The following MBTD1 variants were observed in gnomAD, a reference collection of about 807,000 sequenced individuals.
MBTD1 encodes the protein mbt domain containing 1, also known as MBT domain-containing protein 1.
MBTD1 carries 24 observed loss-of-function variants against 87.8 expected under a neutral mutation model. That is an observed-to-expected ratio of 0.27 (90% CI 0.20 to 0.38). MBTD1 has a LOEUF of 0.38. Among genes scored for constraint, MBTD1 ranks in the 10% least tolerant of loss-of-function variants. The pLI is 1.00. For synonymous variants in MBTD1, 237 were observed against 248.6 expected (o/e 0.95, Z 0.44); for missense variants, 436 against 760.2 (o/e 0.57, Z 5.02).
Position 51,192,146 on chromosome 17 carries a change from G to A in MBTD1, c.1768+57C>T, listed in dbSNP as rs2050846556. 5 of 1,170,752 alleles carry A rather than the reference G, an allele frequency of 4.3e-6. No individual in the cohort carries two copies. The African/African-American group carries it at 4.6e-5, about 11-fold the overall frequency. The allele number at this position is 1,170,752 out of a possible 1,614,324, so 72.5% of individuals were successfully genotyped here. On this transcript the variant is annotated intron_variant, in intron 16 of 16. Coordinates refer to ENST00000586178, the MANE Select transcript of MBTD1 (RefSeq NM_017643.3). ...ATATCATTTTCTGTCCAAGAATACT[G>A]TGACTCCAATTAGTTAACAATTAGA...
chr17:51,260,159 C>G (rs532767038), upstream of MBTD1: 17 of 370,272 alleles, frequency 4.6e-5, no homozygotes, highest in African/African-American at 2.5e-4. Flanking sequence ...TCTGCAGGCT[C>G]CGTACTCCAA....
At chr17:51,202,233 TTTCTC>T (rs1224239040) in intron 10 of MBTD1, among the ~76,000 whole-genome samples, 156 bp from the exon 11 acceptor site, 2 of 152,224 alleles carry the variant, frequency 1.3e-5, no homozygotes, top group Non-Finnish European at 2.9e-5. Context: ...TTAATAGTCT[TTTCTC>T]TCTTCAGAGT....
intron 7 of MBTD1, among the ~76,000 whole-genome samples, chr17:51,204,155 G>C (rs1203755605): frequency 6.6e-6 from 1 of 152,068 alleles, no homozygotes; most frequent in Non-Finnish European, 1.5e-5. Context: ...TGTTGCTGCT[G>C]GTCTATGAAC....
chr17:51,215,026 A>AT (rs746809449), intron 6 of MBTD1, among the ~76,000 whole-genome samples: 3 of 152,258 alleles, frequency 2.0e-5, no homozygotes, highest in Non-Finnish European at 4.4e-5. Context: ...CTTCAAATGA[A>AT]TATGCCAGTT....
intron 16 of MBTD1, among the ~76,000 whole-genome samples, chr17:51,181,261 G>A (rs2050301503): frequency 6.6e-6 from 1 of 152,066 alleles, no homozygotes; most frequent in African/African-American, 2.4e-5. Context: ...TCTTGACCTT[G>A]TGATCCGCCC....
At chr17:51,247,094 T>C (rs747552922) in intron 2 of MBTD1, among the ~76,000 whole-genome samples, 2 of 152,206 alleles carry the variant, frequency 1.3e-5, no homozygotes, top group African/African-American at 2.4e-5. Context: ...TATGTGTGTA[T>C]TCATAAAAAT....
At position 51,260,021 on chromosome 17, in the gene MBTD1, T is replaced by G. The variant is rs541073368; in HGVS notation, c.-299A>C. On this transcript the variant is annotated 5_prime_UTR_variant, in exon 1 of 17. Coordinates refer to ENST00000586178, the MANE Select transcript of MBTD1 (RefSeq NM_017643.3). ...AGCCCCCGGATTTCCCCCCTTTAAC[T>G]CGGGTGGCCCCAGGATATCAACAAC... The G allele has an allele frequency of 8.8e-6, 4 of 456,134 alleles. No homozygotes were observed. Among genetic ancestry groups the G allele is most frequent in the Non-Finnish European group, 1.4e-5 (4 of 280,554 alleles). The allele number at this position is 456,134 out of a possible 1,614,324, so 28.3% of individuals were successfully genotyped here.
rs1434746819 is a variant in MBTD1 at position 51,202,117 on chromosome 17, G to A, written c.1064-40C>T. On this transcript the variant is annotated intron_variant, in intron 10 of 16. Coordinates refer to ENST00000586178, the MANE Select transcript of MBTD1 (RefSeq NM_017643.3). ...TACACACTAATCTGTCAGCATTTGT[G>A]AGAAGACCAAAAACCACGTTCTTTG... is the stretch of plus-strand genomic sequence containing the variant. 1.8e-5 allele frequency: 24 copies of A among 1,337,242 alleles called. No homozygotes were observed. The Admixed American group carries it at 3.9e-4, about 22-fold the overall frequency. The allele number at this position is 1,337,242 out of a possible 1,614,324, so 82.8% of individuals were successfully genotyped here. A position where few individuals can be genotyped will look rare whatever the true frequency, so the allele number is the denominator to read the frequency against.
chr17:51,192,453 C>T, intron 15 of MBTD1, 173 bp from the exon 16 acceptor site: 1 of 628,184 alleles, frequency 1.6e-6, no homozygotes. Flanking sequence ...CAACATGAGA[C>T]ATTTTCCACT....
rs755496192 is a variant in MBTD1, at chr17:51,195,376, G to A, written c.1225-15C>T. On this transcript the variant is annotated splice_polypyrimidine_tract_variant and intron_variant, in intron 12 of 16. Coordinates refer to ENST00000586178, the MANE Select transcript of MBTD1 (RefSeq NM_017643.3). ...TCAGCTAGCACCTTTTCAATGAAGA[G>A]AATTCTAAGTACTTGAAATTAGATA... The A allele has an allele frequency of 1.9e-6, 3 of 1,566,852 alleles. No homozygotes were observed. The highest frequency in any genetic ancestry group is 2.6e-6 in the Non-Finnish European group (3 of 1,156,510).
chr17:51,191,980 C>T (rs182899228), intron 16 of MBTD1: 101 of 531,622 alleles, frequency 1.9e-4, no homozygotes, highest in Non-Finnish European at 2.8e-4. Flanking sequence ...TTCTTTACCA[C>T]GTATACTTTA....
At chr17:51,249,020 G>T (rs1205569492) in intron 2 of MBTD1, among the ~76,000 whole-genome samples, 5 of 151,982 alleles carry the variant, frequency 3.3e-5, no homozygotes, top group Non-Finnish European at 7.4e-5. Context: ...GGAGGCCAAG[G>T]CAGGAAGACT....
chr17:51,202,925 C>CT lies in MBTD1; in HGVS notation c.838dup (p.Ser280LysfsTer16). 2 of 1,610,792 alleles carry CT rather than the reference C, an allele frequency of 1.2e-6. No homozygotes were observed. The highest frequency in any genetic ancestry group is 1.7e-6 in the Non-Finnish European group (2 of 1,177,006). On this transcript the variant is annotated frameshift_variant, in exon 10 of 17. Transcript: ENST00000586178. LOFTEE classifies it high-confidence loss of function. ...GCAAGGTTTGAAAGGATACTGCATA[C>CT]TCTCTGAAACCTTAAAAGCATACAA...
chr17:51,201,607 G>C lies in MBTD1; in HGVS notation c.1209C>G (p.Val403=), dbSNP rs1240416607. The C allele has an allele frequency of 1.2e-6, 2 of 1,601,366 alleles. No homozygotes were observed. Among genetic ancestry groups the C allele is most frequent in the East Asian group, 2.2e-5 (1 of 44,678 alleles). Residue 403 remains valine (V), a synonymous_variant, in exon 12 of 17, where the codon GTC becomes GTG. Coordinates refer to ENST00000586178, the MANE Select transcript of MBTD1 (RefSeq NM_017643.3). ...IDPLNLSTIC[V]ATIRKVLADG... Reference sequence around the variant, plus strand: ...ATTATCTTACCTTTCTAATGGTTGCGACACATATTGTAGAAAGATTTAATG... The same window carrying C: ...ATTATCTTACCTTTCTAATGGTTGCCACACATATTGTAGAAAGATTTAATG...
At chr17:51,244,555 G>C (rs1222294155) in intron 2 of MBTD1, among the ~76,000 whole-genome samples, 1 of 151,964 alleles carries the variant, frequency 6.6e-6, no homozygotes, top group Admixed American at 6.6e-5. Flanking sequence ...TTACAGGTGT[G>C]CACCAACAAG....
In MBTD1 at chr17:51,192,975, T is replaced by C. The variant is rs746423814; in HGVS notation, c.1497A>G (p.Glu499=). 2 of 1,614,112 alleles carry C rather than the reference T, an allele frequency of 1.2e-6. No homozygotes were observed. Among genetic ancestry groups the C allele is most frequent in the East Asian group, 4.5e-5 (2 of 44,882 alleles). ...AACGTGGCTCCATGAGATCTACTGC[T>C]TCTAATTTCATTCCTACACGAAATC... ...NHGFRVGMKL[E]AVDLMEPRLI... Residue 499 remains glutamate (E), a synonymous_variant, in exon 15 of 17, where the codon GAA becomes GAG. Coordinates refer to ENST00000586178, the MANE Select transcript of MBTD1 (RefSeq NM_017643.3).
chr17:51,243,322 G>GT (rs1201056232), intron 2 of MBTD1, among the ~76,000 whole-genome samples: 1 of 150,750 alleles, frequency 6.6e-6, no homozygotes, highest in African/African-American at 2.4e-5. Context: ...CTATTTGGAA[G>GT]TAACTTTGAA....
chr17:51,193,063 T>C, intron 14 of MBTD1, 47 bp from the exon 15 acceptor site: 8 of 1,308,788 alleles, frequency 6.1e-6, no homozygotes, highest in Non-Finnish European at 7.7e-6. Flanking sequence ...GAAGAAAGAA[T>C]GCACAACCCT....
chr17:51,219,722 A>G (rs1312729997), intron 4 of MBTD1, among the ~76,000 whole-genome samples: 1 of 152,238 alleles, frequency 6.6e-6, no homozygotes, highest in Non-Finnish European at 1.5e-5. Context: ...TGCAAAAATC[A>G]GTTAAGTTAA....
Sources: allele counts gnomAD v4.1 joint callset (sites outside exome capture counted in the v4.1 genomes callset), GRCh38; gene constraint gnomAD v4.1.1; transcripts MANE v1.5; gene names NCBI Gene and HGNC (gene_info 2026-07-23, HGNC 2026-07-21).